Variants in CMIP observed in about 807,000 individuals in gnomAD.
CMIP encodes the protein C-Maf-inducing protein.
In CMIP, 13 loss-of-function variants were observed where a neutral mutation model predicts 97.3. The ratio of observed to expected loss-of-function variants is 0.13; its 90% confidence interval spans 0.09 to 0.21. The LOEUF (loss-of-function observed/expected upper bound fraction) is 0.21, where lower values mean the gene tolerates loss of function less well. Among genes scored for constraint, CMIP ranks in the 10% least tolerant of loss-of-function variants. The probability of loss-of-function intolerance (pLI) is 1.00; values close to 1 mark genes in which losing one functional copy is unlikely to be tolerated. For synonymous variants in CMIP, 538 were observed against 436.3 expected (o/e 1.23, Z -2.91); for missense variants, 847 against 1,024.9 (o/e 0.83, Z 2.37).
chr16:81,637,568 C>T (rs1377559678), intron 3 of CMIP, among the ~76,000 whole-genome samples: 1 of 152,170 alleles, frequency 6.6e-6, no homozygotes, highest in Non-Finnish European at 1.5e-5. Flanking sequence ...CCTAAGGCTG[C>T]ACAGCTCATA....
At chr16:81,650,591 G>A (rs1597196812) in intron 3 of CMIP, among the ~76,000 whole-genome samples, 1 of 152,252 alleles carries the variant, frequency 6.6e-6, no homozygotes, top group African/African-American at 2.4e-5. Context: ...GAAAATAATG[G>A]AGAGGAGGAA....
In CMIP at chr16:81,494,348, G is replaced by A. The variant is rs184457952; in HGVS notation, c.300+48807G>A. Among the ~76,000 whole-genome samples the A allele has an allele frequency of 1.2e-4, 18 of 152,332 alleles. No individual in the cohort carries two copies. The East Asian group carries it at 1.3e-3, about 11-fold the overall frequency. On this transcript the variant is annotated intron_variant, in intron 1 of 20. Coordinates refer to ENST00000537098, the MANE Select transcript of CMIP (RefSeq NM_198390.3). ...CATGTGCTGGGAATGGAGCAGATGCGGGGCTGAAGCTTTCCCCAGAACTGG... is the reference window on the plus strand; with the variant it reads ...CATGTGCTGGGAATGGAGCAGATGCAGGGCTGAAGCTTTCCCCAGAACTGG...
chr16:81,557,357 T>C (rs57159061), intron 1 of CMIP, among the ~76,000 whole-genome samples: 15,973 of 147,382 alleles, frequency 0.11, 972 homozygotes, highest in East Asian at 0.18. Flanking sequence ...CTGATGTTGG[T>C]TGAATTCACT....
intron 1 of CMIP, among the ~76,000 whole-genome samples, chr16:81,597,097 G>T (rs551462954): frequency 6.6e-6 from 1 of 152,144 alleles, no homozygotes; most frequent in African/African-American, 2.4e-5. Flanking sequence ...GCTACCTAAT[G>T]CTCAGGGAAC....
intron 1 of CMIP, among the ~76,000 whole-genome samples, chr16:81,544,774 T>G (rs1314771516): frequency 6.6e-6 from 1 of 151,992 alleles, no homozygotes. Flanking sequence ...GAGTGTTGCG[T>G]GTGTGCACGT....
chr16:81,709,926 TC>T lies in CMIP; in HGVS notation c.*128del. ...GGCTGTGAGATAGATGGGGAGTCTT[TC>T]TGGGGGCGGAGGGGGGAGGGGGTGG... On this transcript the variant is annotated 3_prime_UTR_variant, in exon 21 of 21. Coordinates refer to ENST00000537098, the MANE Select transcript of CMIP (RefSeq NM_198390.3). 1.6e-5 allele frequency: 4 copies of T among 253,608 alleles called. No individual in the cohort carries two copies. Among genetic ancestry groups the T allele is most frequent in the South Asian group, 6.9e-5 (2 of 28,940 alleles). The allele number at this position is 253,608 out of a possible 1,614,324, so 15.7% of individuals were successfully genotyped here.
At chr16:81,695,257 C>T (rs1413396797) in intron 13 of CMIP, among the ~76,000 whole-genome samples, 3 of 152,214 alleles carry the variant, frequency 2.0e-5, no homozygotes, top group Non-Finnish European at 2.9e-5. Context: ...TCTTCTTTCT[C>T]CCTTCCCTTC....
In CMIP at chr16:81,678,635, G is replaced by T; in HGVS notation, c.1388+7G>T. On this transcript the variant is annotated splice_region_variant and intron_variant, in intron 10 of 20. Coordinates refer to ENST00000537098, the MANE Select transcript of CMIP (RefSeq NM_198390.3). Reference sequence around the variant, plus strand: ...TGGAAATCCTCAAGCTGCTGTGAGTGCCCCCCCCGCGTGCCCGCCCCCGGG... The same window carrying T: ...TGGAAATCCTCAAGCTGCTGTGAGTTCCCCCCCCGCGTGCCCGCCCCCGGG... 7.3e-7 allele frequency: 1 copy of T among 1,369,314 alleles called. No homozygotes were observed. The highest frequency in any genetic ancestry group is 1.4e-5 in the African/African-American group (1 of 70,358). The allele number at this position is 1,369,314 out of a possible 1,614,324, so 84.8% of individuals were successfully genotyped here.
rs112066886 is a variant in CMIP, at chr16:81,667,189, G to A, written c.825+2840G>A. 4.8e-3 allele frequency: 734 copies of A among 152,322 alleles called. 5 individuals carry two copies. The highest frequency in any genetic ancestry group is 0.017 in the African/African-American group (703 of 41,558). 9.4% of individuals were successfully genotyped at this position (152,322 alleles called of 1,614,324 possible). On this transcript the variant is annotated intron_variant, in intron 7 of 20. Coordinates refer to ENST00000537098, the MANE Select transcript of CMIP (RefSeq NM_198390.3). ...GGTGCATCTCTTGCAAATATGTTAT[G>A]TGCTCCCTTTCACGGATGAGCAAAC...
At chr16:81,669,054 C>T (rs1225711199) in intron 7 of CMIP, among the ~76,000 whole-genome samples, 1 of 148,618 alleles carries the variant, frequency 6.7e-6, no homozygotes, top group African/African-American at 2.5e-5. Context: ...CTCCTCCTTC[C>T]ACACCCACCT....
At chr16:81,562,293 C>G (rs971831013) in intron 1 of CMIP, among the ~76,000 whole-genome samples, 1 of 152,188 alleles carries the variant, frequency 6.6e-6, no homozygotes, top group African/African-American at 2.4e-5. Context: ...CCATGCCTGC[C>G]CAGGCTTACC....
At chr16:81,608,587 C>G (rs1214886526) in intron 2 of CMIP, among the ~76,000 whole-genome samples, 2 of 152,142 alleles carry the variant, frequency 1.3e-5, no homozygotes, top group East Asian at 3.9e-4. Context: ...CCCGGATTAC[C>G]CGCCCACCCT....
intron 1 of CMIP, among the ~76,000 whole-genome samples, chr16:81,460,048 A>G (rs1371817992): frequency 3.3e-5 from 5 of 152,162 alleles, no homozygotes; most frequent in Non-Finnish European, 1.5e-5. Flanking sequence ...AGGGGCACTG[A>G]GTCCCCACAA....
At chr16:81,449,221 G>T (rs1292601312) in intron 1 of CMIP, among the ~76,000 whole-genome samples, 1 of 152,200 alleles carries the variant, frequency 6.6e-6, no homozygotes, top group South Asian at 2.1e-4. Context: ...TTTATTCAGG[G>T]GTCGGGGCAC....
chr16:81,684,400 G>A (rs1168824790), intron 10 of CMIP, among the ~76,000 whole-genome samples: 4 of 152,230 alleles, frequency 2.6e-5, no homozygotes, highest in Non-Finnish European at 5.9e-5. Flanking sequence ...TCAGGCCACC[G>A]TGAGGCCGCC....
At chr16:81,675,206 G>T (rs1904289095) in intron 9 of CMIP, among the ~76,000 whole-genome samples, 1 of 151,920 alleles carries the variant, frequency 6.6e-6, no homozygotes, top group Non-Finnish European at 1.5e-5. Flanking sequence ...TTTTGTTTTT[G>T]GTTTTTGGGT....
intron 1 of CMIP, among the ~76,000 whole-genome samples, chr16:81,482,120 C>T (rs1439170702): frequency 2.0e-5 from 3 of 152,140 alleles, no homozygotes; most frequent in African/African-American, 7.2e-5. Context: ...CGCAAGTGAT[C>T]CACCCTCCTT....
At chr16:81,591,336 TG>T (rs2091464136) in intron 1 of CMIP, among the ~76,000 whole-genome samples, 1 of 152,280 alleles carries the variant, frequency 6.6e-6, no homozygotes, top group Admixed American at 6.5e-5. Flanking sequence ...CAGATAGAGA[TG>T]TAAGGTGCTA....
chr16:81,674,304 T>G (rs1268407050), intron 9 of CMIP, among the ~76,000 whole-genome samples: 2 of 152,202 alleles, frequency 1.3e-5, no homozygotes, highest in Non-Finnish European at 2.9e-5. Flanking sequence ...CCTGCCCTTT[T>G]GTATTTTTAG....
Sources: allele counts gnomAD v4.1 joint callset (sites outside exome capture counted in the v4.1 genomes callset), GRCh38; gene constraint gnomAD v4.1.1; transcripts MANE v1.5; gene names NCBI Gene and HGNC (gene_info 2026-07-23, HGNC 2026-07-21).